The following JAKMIP2 variants were observed in gnomAD, a reference collection of about 807,000 sequenced individuals.
JAKMIP2 encodes the protein janus kinase and microtubule-interacting protein 2.
JAKMIP2 carries 25 observed loss-of-function variants against 115.0 expected under a neutral mutation model. That is an observed-to-expected ratio of 0.22 (90% CI 0.16 to 0.30). The LOEUF is 0.30. Ranked by LOEUF, JAKMIP2 falls within the 10% of genes least tolerant of loss-of-function variation. The pLI is 1.00. For missense variants in JAKMIP2, 642 were observed against 957.6 expected, an observed-to-expected ratio of 0.67 and a Z score of 4.35; for synonymous variants, 334 against 343.6, an observed-to-expected ratio of 0.97 and a Z score of 0.31.
intron 1 of JAKMIP2, among the ~76,000 whole-genome samples, chr5:147,770,917 T>A (rs1431642295): frequency 6.6e-6 from 1 of 152,152 alleles, no homozygotes; most frequent in African/African-American, 2.4e-5. Flanking sequence ...AATAGTTATT[T>A]AAACACAAAA....
intron 20 of JAKMIP2, among the ~76,000 whole-genome samples, chr5:147,610,287 C>G (rs190431071): frequency 1.4e-3 from 216 of 152,268 alleles, no homozygotes; most frequent in African/African-American, 5.0e-3. Flanking sequence ...GAATTTTCAG[C>G]CTTTTTGTGC....
chr5:147,623,729 T>C, intron 16 of JAKMIP2, 40 bp from the exon 17 acceptor site: 2 of 1,331,226 alleles, frequency 1.5e-6, no homozygotes, highest in Non-Finnish European at 2.2e-6. Flanking sequence ...ACATGGCTGC[T>C]TGATATGGTG....
chr5:147,665,429 A>G (rs1759244663), intron 2 of JAKMIP2, among the ~76,000 whole-genome samples: 1 of 152,216 alleles, frequency 6.6e-6, no homozygotes, highest in Admixed American at 6.5e-5. Flanking sequence ...TGGGAAAGTT[A>G]CTTCAGCTCA....
intron 2 of JAKMIP2, among the ~76,000 whole-genome samples, chr5:147,668,136 G>A (rs1347234890): frequency 6.6e-6 from 1 of 152,148 alleles, no homozygotes; most frequent in Non-Finnish European, 1.5e-5. Flanking sequence ...CTGTGCCAAT[G>A]GGACAGCTCC....
chr5:147,678,210 T>C (rs1487905276), intron 1 of JAKMIP2, among the ~76,000 whole-genome samples: 3 of 152,102 alleles, frequency 2.0e-5, no homozygotes, highest in Non-Finnish European at 4.4e-5. Context: ...CACCATGTTG[T>C]TCAGGCTGGT....
At chr5:147,747,987 C>T (rs1754408221) in intron 1 of JAKMIP2, among the ~76,000 whole-genome samples, 1 of 152,154 alleles carries the variant, frequency 6.6e-6, no homozygotes, top group Middle Eastern at 3.2e-3. Context: ...GGCCATTTTT[C>T]CATACTTTAT....
At position 147,782,701 on chromosome 5, in the gene JAKMIP2, C is replaced by T; in HGVS notation, c.-394G>A. On this transcript the variant is annotated 5_prime_UTR_variant, in exon 1 of 22. Coordinates refer to ENST00000616793, the MANE Select transcript of JAKMIP2 (RefSeq NM_001270941.2). Reference sequence around the variant, plus strand: ...AGCAGCAGCATCACCAGTTGGGCCTCCTCCCTCTCGGAGGATGGGGTGAGC... The same window carrying T: ...AGCAGCAGCATCACCAGTTGGGCCTTCTCCCTCTCGGAGGATGGGGTGAGC... The T allele has an allele frequency of 1.6e-6, 1 of 625,330 alleles. No individual in the cohort carries two copies. Among genetic ancestry groups the T allele is most frequent in the Admixed American group, 2.4e-5 (1 of 41,770 alleles). The allele number at this position is 625,330 out of a possible 1,614,324, so 38.7% of individuals were successfully genotyped here.
chr5:147,757,803 A>T (rs958891933), intron 1 of JAKMIP2, among the ~76,000 whole-genome samples: 6 of 152,164 alleles, frequency 3.9e-5, no homozygotes, highest in Non-Finnish European at 8.8e-5. Flanking sequence ...GAGGCTCCGC[A>T]TCAATCCACA....
chr5:147,595,064 A>C (rs1755299482), intron 21 of JAKMIP2, among the ~76,000 whole-genome samples: 2 of 152,092 alleles, frequency 1.3e-5, no homozygotes, highest in African/African-American at 4.8e-5. Flanking sequence ...TTCAAGACAG[A>C]ATGCTTGGTA....
Position 147,586,603 on chromosome 5 carries a change from A to C in JAKMIP2, c.*5104T>G, listed in dbSNP as rs906883359. The C allele has an allele frequency of 5.9e-5, 9 of 152,190 alleles. No individual in the cohort carries two copies. The highest frequency in any genetic ancestry group is 1.3e-4 in the Non-Finnish European group (9 of 68,038). 9.4% of individuals were successfully genotyped at this position (152,190 alleles called of 1,614,324 possible). ...AGCATGGGTACAAAGACCGTAATGC[A>C]GAAAAAAACAAAAACAGGAACCCTC... On this transcript the variant is annotated 3_prime_UTR_variant, in exon 22 of 22. Coordinates refer to ENST00000616793, the MANE Select transcript of JAKMIP2 (RefSeq NM_001270941.2).
chr5:147,718,604 A>G (rs1422998328), intron 1 of JAKMIP2, among the ~76,000 whole-genome samples: 2 of 151,024 alleles, frequency 1.3e-5, no homozygotes, highest in Admixed American at 6.6e-5. Context: ...GAATTTATCC[A>G]TTTCTTCTAG....
intron 21 of JAKMIP2, among the ~76,000 whole-genome samples, chr5:147,592,847 C>T (rs1755164595): frequency 6.6e-6 from 1 of 152,110 alleles, no homozygotes; most frequent in Non-Finnish European, 1.5e-5. Context: ...TTCTAGTCTA[C>T]CAACCAGGGG....
rs144339067 is a variant in JAKMIP2 at position 147,697,063 on chromosome 5, T to C, written c.-148-25109A>G. 5.0e-3 allele frequency among the ~76,000 whole-genome samples: 762 copies of C among 152,248 alleles called. 18 individuals are homozygous for C. Among genetic ancestry groups the C allele is most frequent in the African/African-American group, 0.016 (679 of 41,562 alleles). ...CTCGGGGAGAAATCTAAGCCTGCTG[T>C]AGAAATTTGCATAAGTAACAAGGAG... On this transcript the variant is annotated intron_variant, in intron 1 of 21. Transcript: ENST00000616793.
chr5:147,664,915 A>T (rs999179328), intron 2 of JAKMIP2, among the ~76,000 whole-genome samples: 1 of 152,184 alleles, frequency 6.6e-6, no homozygotes, highest in African/African-American at 2.4e-5. Context: ...TCTGTCATAC[A>T]GTTTAGAGAA....
rs373735114 is a variant in JAKMIP2, at chr5:147,650,367, C to T, written c.808G>A (p.Gly270Ser). The change falls in exon 4 of 22, where the codon GGT becomes AGT. Residue 270 changes from glycine (G) to serine (S), a missense_variant. Physicochemically the swap from Gly to Ser is moderately conservative, Grantham distance 56. This residue lies in a region of JAKMIP2 where 439 missense variants were observed against 570.9 expected (regional missense o/e 0.77). Coordinates refer to ENST00000616793, the MANE Select transcript of JAKMIP2 (RefSeq NM_001270941.2). Reference sequence around the variant, plus strand: ...CTGCTGCAGTGTTCGGAACCATCACCTGCCCTTCCTGGAATTTCTCGTTTT... The same window carrying T: ...CTGCTGCAGTGTTCGGAACCATCACTTGCCCTTCCTGGAATTTCTCGTTTT... ...SPKREIPGRA[G>S]DGSEHCSSPD... is the part of the protein sequence containing the mutation. 3.7e-6 allele frequency: 6 copies of T among 1,613,060 alleles called. No homozygotes were observed. The African/African-American group carries it at 4.0e-5, about 11-fold the overall frequency.
intron 1 of JAKMIP2, among the ~76,000 whole-genome samples, chr5:147,708,441 C>A (rs1419187254): frequency 6.6e-6 from 1 of 152,064 alleles, no homozygotes; most frequent in Non-Finnish European, 1.5e-5. Flanking sequence ...ACACCACATT[C>A]CAAAACACTG....
intron 19 of JAKMIP2, 100 bp from the exon 20 acceptor site, chr5:147,612,471 G>A (rs955291323): frequency 1.6e-6 from 1 of 635,124 alleles, no homozygotes; most frequent in Non-Finnish European, 2.7e-6. Context: ...ATACAAACCT[G>A]AATATTTGTA....
chr5:147,675,621 C>T (rs1759898728), intron 1 of JAKMIP2, among the ~76,000 whole-genome samples: 1 of 150,894 alleles, frequency 6.6e-6, no homozygotes, highest in Non-Finnish European at 1.5e-5. Flanking sequence ...ATTTTCGTCA[C>T]TCCCAAAAGA....
intron 1 of JAKMIP2, among the ~76,000 whole-genome samples, chr5:147,716,434 T>C (rs1244734019): frequency 6.7e-6 from 1 of 148,712 alleles, no homozygotes; most frequent in African/African-American, 2.5e-5. Flanking sequence ...ACTTCCACAA[T>C]GGTTGAACTA....
Sources: allele counts gnomAD v4.1 joint callset (sites outside exome capture counted in the v4.1 genomes callset), GRCh38; gene constraint gnomAD v4.1.1; regional missense constraint gnomAD v4.1.1; transcripts MANE v1.5; gene names NCBI Gene and HGNC (gene_info 2026-07-23, HGNC 2026-07-21).